Variants in RUNX1 observed in about 807,000 individuals in gnomAD.
RUNX1 encodes the protein RUNX family transcription factor 1, also known as runt-related transcription factor 1.
A neutral mutation model predicts 42.8 loss-of-function variants in RUNX1; 19 were observed. That is an observed-to-expected ratio of 0.44 (90% CI 0.31 to 0.65). The LOEUF is 0.65. RUNX1 is among the 30% of genes least tolerant of loss of function. RUNX1 has a pLI of 0.07. For missense variants in RUNX1, 528 were observed against 672.0 expected, an observed-to-expected ratio of 0.79 and a Z score of 2.37; for synonymous variants, 271 against 289.4, an observed-to-expected ratio of 0.94 and a Z score of 0.64.
intron 2 of RUNX1, among the ~76,000 whole-genome samples, chr21:34,913,304 C>T (rs1391621706): frequency 1.3e-5 from 2 of 152,056 alleles, no homozygotes; most frequent in Admixed American, 1.3e-4. Flanking sequence ...AGTGGCTTTG[C>T]GTAGACTTTT....
At chr21:34,795,603 A>G (rs1294696134) in intron 8 of RUNX1, among the ~76,000 whole-genome samples, 1 of 152,190 alleles carries the variant, frequency 6.6e-6, no homozygotes, top group African/African-American at 2.4e-5. Flanking sequence ...ACATGTGGGC[A>G]GGGAAAACGT....
rs920776767 is a variant in RUNX1, at chr21:34,816,912, CA to C, written c.806-17451del. 3.3e-5 allele frequency among the ~76,000 whole-genome samples: 5 copies of C among 152,286 alleles called. No homozygotes were observed. The East Asian group carries it at 7.7e-4, about 24-fold the overall frequency. ...GAGCACCTTGTGGCCCAGAACAAGG[CA>C]GGGAGGCATGGCTAGAGAAGGAGAC... On this transcript the variant is annotated intron_variant, in intron 7 of 8. Coordinates refer to ENST00000675419, the MANE Select transcript of RUNX1 (RefSeq NM_001754.5).
intron 8 of RUNX1, among the ~76,000 whole-genome samples, chr21:34,795,729 G>A (rs2056517959): frequency 6.6e-6 from 1 of 152,190 alleles, no homozygotes; most frequent in Non-Finnish European, 1.5e-5. Flanking sequence ...GGGGCCATCT[G>A]TGAGCAAGCC....
chr21:34,993,790 C>G (rs1039988970), intron 2 of RUNX1, among the ~76,000 whole-genome samples: 10 of 137,204 alleles, frequency 7.3e-5, no homozygotes, highest in African/African-American at 1.0e-4. Flanking sequence ...CACACACACA[C>G]AGACACACAC....
intron 2 of RUNX1, among the ~76,000 whole-genome samples, chr21:35,033,724 T>C (rs1437149751): frequency 6.6e-6 from 1 of 152,174 alleles, no homozygotes; most frequent in Non-Finnish European, 1.5e-5. Context: ...TTCTGAAACT[T>C]TTGACTAAAT....
chr21:34,941,802 G>A (rs1427232341), intron 2 of RUNX1, among the ~76,000 whole-genome samples: 1 of 151,152 alleles, frequency 6.6e-6, no homozygotes, highest in African/African-American at 2.4e-5. Context: ...AGCTATAGAT[G>A]ATGATTTCTT....
At chr21:34,959,367 T>C (rs924016491) in intron 2 of RUNX1, among the ~76,000 whole-genome samples, 4 of 152,198 alleles carry the variant, frequency 2.6e-5, no homozygotes, top group African/African-American at 9.7e-5. Context: ...CCTCAGTTCC[T>C]TCACCTCAAA....
rs2146413221 is a variant in RUNX1 at position 34,887,022 on chromosome 21, G to A, written c.172C>T (p.Leu58=). 3 of 1,601,932 alleles carry A rather than the reference G, an allele frequency of 1.9e-6. No homozygotes were observed. The South Asian group carries it at 3.3e-5, about 18-fold the overall frequency. The change falls in exon 4 of 9, where the codon CTG becomes TTG. Residue 58 remains leucine, a synonymous_variant. Transcript: ENST00000675419. The part of the protein sequence containing the change: ...SPGKMSEALP[L]GAPDAGAALA... The stretch of plus-strand genomic sequence containing the variant: ...GCAGCGCCGGCGTCCGGGGCGCCCA[G>A]CGGCAACGCCTCGCTCATCTTGCCT...
At chr21:34,927,368 G>A in intron 2 of RUNX1, among the ~76,000 whole-genome samples, 1 of 152,044 alleles carries the variant, frequency 6.6e-6, no homozygotes, top group East Asian at 1.9e-4. Flanking sequence ...GCAAGCTGAT[G>A]TTCATTTGTG....
intron 2 of RUNX1, among the ~76,000 whole-genome samples, chr21:34,921,883 C>CTCGG (rs1245913205): frequency 6.6e-6 from 1 of 152,172 alleles, no homozygotes; most frequent in Non-Finnish European, 1.5e-5. Context: ...ATCCACCTGC[C>CTCGG]TCGGCCTCCT....
chr21:34,859,536 G>C lies in RUNX1; in HGVS notation c.551C>G (p.Pro184Arg), dbSNP rs1366776979. ...GGCTCTGTGGTAGGTGGCGACTTGC[G>C]GTGGGTTTGTGAAGACAGTGATGGT... is the stretch of plus-strand genomic sequence containing the variant. ...TLTITVFTNP[P>R]QVATYHRAIK... The change falls in exon 6 of 9, where the codon CCG becomes CGG. Residue 184 changes from proline to arginine, a missense_variant. By Grantham distance (103) the Pro-to-Arg change is moderately radical. Transcript: ENST00000675419. 2.5e-6 allele frequency: 4 copies of C among 1,614,186 alleles called. No individual in the cohort carries two copies. The highest frequency in any genetic ancestry group is 3.4e-6 in the Non-Finnish European group (4 of 1,180,028).
chr21:34,942,317 CAA>C (rs61376903), intron 2 of RUNX1, among the ~76,000 whole-genome samples: 2 of 135,988 alleles, frequency 1.5e-5, no homozygotes, highest in African/African-American at 2.7e-5. Flanking sequence ...TGCACTCAAG[CAA>C]AAAAAAAAAA....
At chr21:34,924,630 A>C (rs915100788) in intron 2 of RUNX1, among the ~76,000 whole-genome samples, 1 of 152,200 alleles carries the variant, frequency 6.6e-6, no homozygotes, top group Non-Finnish European at 1.5e-5. Flanking sequence ...CATGAGACCA[A>C]AGAGGAACGT....
chr21:34,953,978 CA>C (rs909561523), intron 2 of RUNX1, among the ~76,000 whole-genome samples: 3 of 151,990 alleles, frequency 2.0e-5, no homozygotes, highest in African/African-American at 7.2e-5. Flanking sequence ...AAGTTGGTTG[CA>C]AAAAAATGGC....
chr21:34,946,604 G>A (rs1332860939), intron 2 of RUNX1, among the ~76,000 whole-genome samples: 2 of 152,196 alleles, frequency 1.3e-5, no homozygotes, highest in African/African-American at 4.8e-5. Flanking sequence ...GGGTCTCATA[G>A]CAATACAGCA....
intron 2 of RUNX1, among the ~76,000 whole-genome samples, chr21:34,933,953 T>TG (rs1050233182): frequency 9.9e-5 from 15 of 152,200 alleles, no homozygotes; most frequent in African/African-American, 3.6e-4. Flanking sequence ...GATTTCCCAG[T>TG]GGCTACCTGG....
chr21:34,942,454 A>G (rs985653997), intron 2 of RUNX1, among the ~76,000 whole-genome samples: 1 of 152,186 alleles, frequency 6.6e-6, no homozygotes, highest in Non-Finnish European at 1.5e-5. Context: ...GTCATTCACC[A>G]TTTACCTCCA....
At chr21:34,796,408 A>G in intron 8 of RUNX1, among the ~76,000 whole-genome samples, 1 of 152,094 alleles carries the variant, frequency 6.6e-6, no homozygotes, top group East Asian at 1.9e-4. Context: ...ATTCAAACCC[A>G]TCAGTCTGCG....
chr21:34,807,054 G>A (rs1031549367), intron 7 of RUNX1, among the ~76,000 whole-genome samples: 1 of 151,842 alleles, frequency 6.6e-6, no homozygotes, highest in Admixed American at 6.6e-5. Flanking sequence ...TCAGGAGACT[G>A]GAGAAAATAG....
Sources: gnomAD v4.1 joint callset for allele counts (sites outside exome capture counted in the v4.1 genomes callset) on GRCh38, gnomAD v4.1.1 for gene constraint, MANE v1.5 for transcripts, NCBI Gene and HGNC (gene_info 2026-07-23, HGNC 2026-07-21) for gene names.